The following PPP2R5C variants were observed in gnomAD, a reference collection of about 807,000 sequenced individuals.
PPP2R5C encodes the protein serine/threonine-protein phosphatase 2A 56 kDa regulatory subunit gamma isoform.
PPP2R5C carries 7 observed loss-of-function variants against 68.9 expected under a neutral mutation model. The ratio of observed to expected loss-of-function variants is 0.10; its 90% CI spans 0.06 to 0.19. PPP2R5C has a LOEUF of 0.19. Ranked by LOEUF, PPP2R5C falls within the 10% of genes least tolerant of loss-of-function variation. The pLI, the probability that PPP2R5C is intolerant of heterozygous loss-of-function variation, is 1.00. For missense variants in PPP2R5C, 348 were observed against 641.3 expected (o/e 0.54, Z 4.94); for synonymous variants, 210 against 222.2 (o/e 0.95, Z 0.49).
chr14:101,892,863 G>T, intron 6 of PPP2R5C, 137 bp from the exon 9 acceptor site: 1 of 641,878 alleles, frequency 1.6e-6, no homozygotes, highest in South Asian at 1.9e-5. Context: ...GGGCACAGGT[G>T]CATGGCAACA....
chr14:101,879,272 C>T lies in PPP2R5C; in HGVS notation c.295-2889C>T, dbSNP rs1266745125. On this transcript the variant is annotated intron_variant, in intron 2 of 13. Transcript: ENST00000334743. This position sits in a 1 kb window ranked among gnomAD's most constrained non-coding sequence, Gnocchi z 4.2. ...GCCTCGGCCAGAATGGTGGTCTCTTCCTCTGTGGCATGTCTGTGACTCTTG... is the reference window on the plus strand; with the variant it reads ...GCCTCGGCCAGAATGGTGGTCTCTTTCTCTGTGGCATGTCTGTGACTCTTG... 1.3e-5 allele frequency: 2 copies of T among 152,602 alleles called. No individual in the cohort carries two copies. Among genetic ancestry groups the T allele is most frequent in the Non-Finnish European group, 2.9e-5 (2 of 68,358 alleles). The allele number at this position is 152,602 out of a possible 1,614,324, so 9.5% of individuals were successfully genotyped here. A position where few individuals can be genotyped will look rare whatever the true frequency, so the allele number is the denominator to read the frequency against.
chr14:101,778,261 T>C (rs2037517088), intron 2 of PPP2R5C, among the ~76,000 whole-genome samples: 1 of 152,226 alleles, frequency 6.6e-6, no homozygotes, highest in Admixed American at 6.5e-5. Context: ...CATTTTTTAA[T>C]CGGGTTTTCT....
chr14:101,912,653 G>A (rs2046462276), intron 12 of PPP2R5C, 180 bp downstream of exon 14: 1 of 1,256,734 alleles, frequency 8.0e-7, no homozygotes, highest in East Asian at 3.1e-5. Flanking sequence ...TACTTATTTT[G>A]CCCCATATCG....
chr14:101,761,718 G>A, upstream of PPP2R5C: 1 of 876,618 alleles, frequency 1.1e-6, no homozygotes, highest in Non-Finnish European at 1.4e-6. Context: ...CGCCGCCGTG[G>A]CTGCCGCAGC....
intron 1 of PPP2R5C, among the ~76,000 whole-genome samples, chr14:101,837,050 A>G (rs879577110): frequency 1.3e-5 from 2 of 152,244 alleles, no homozygotes; most frequent in African/African-American, 4.8e-5. Flanking sequence ...TGTGGTAGAC[A>G]TAAGTTGTTA....
chr14:101,816,534 A>G (rs749316759), intron 1 of PPP2R5C, among the ~76,000 whole-genome samples: 2 of 152,206 alleles, frequency 1.3e-5, no homozygotes, highest in Admixed American at 6.5e-5. Context: ...CAAACCTATT[A>G]GAGACATTTT....
At chr14:101,926,607 A>G (rs1036070863) in exon 14 of PPP2R5C, 3 of 152,600 alleles carry the variant, frequency 2.0e-5, no homozygotes, top group African/African-American at 7.2e-5. Flanking sequence ...TATTCTAAAC[A>G]CGTGATCTAG....
At chr14:101,920,315 T>A (rs1566973184) in intron 13 of PPP2R5C, among the ~76,000 whole-genome samples, 1 of 152,230 alleles carries the variant, frequency 6.6e-6, no homozygotes, top group African/African-American at 2.4e-5. Context: ...CGTCCCCTCC[T>A]GGGAGGGTTA....
At chr14:101,874,506 TATC>T (rs1378931365) in intron 2 of PPP2R5C, among the ~76,000 whole-genome samples, 1 of 152,232 alleles carries the variant, frequency 6.6e-6, no homozygotes, top group Non-Finnish European at 1.5e-5. Flanking sequence ...AATCCAGTGT[TATC>T]TTTAAATGAC....
intron 9 of PPP2R5C, among the ~76,000 whole-genome samples, chr14:101,905,224 C>G (rs2045956984): frequency 3.3e-5 from 5 of 152,194 alleles, no homozygotes. Context: ...TGCGATGGCG[C>G]ATGCCTATAG....
At chr14:101,850,183 C>T (rs190325377) in intron 1 of PPP2R5C, among the ~76,000 whole-genome samples, 83 of 152,300 alleles carry the variant, frequency 5.4e-4, no homozygotes, top group Non-Finnish European at 9.1e-4. Flanking sequence ...TCTCACTGCT[C>T]CTCTCAGCGT....
At chr14:101,772,622 G>T (rs768356956) in intron 2 of PPP2R5C, among the ~76,000 whole-genome samples, 1 of 151,858 alleles carries the variant, frequency 6.6e-6, no homozygotes, top group East Asian at 1.9e-4. Context: ...TGGTGAAACC[G>T]CATCTCTATT....
chr14:101,900,518 T>C (rs1416960815), intron 8 of PPP2R5C, among the ~76,000 whole-genome samples: 1 of 152,248 alleles, frequency 6.6e-6, no homozygotes, highest in Non-Finnish European at 1.5e-5. Context: ...CGCACCGGAT[T>C]GCACTTGTAC....
intron 2 of PPP2R5C, among the ~76,000 whole-genome samples, chr14:101,872,020 G>A (rs2043452408): frequency 2.0e-5 from 3 of 151,400 alleles, no homozygotes; most frequent in African/African-American, 7.3e-5. Context: ...TAAGTTTTCG[G>A]GTATTAAAAA....
intron 13 of PPP2R5C, 130 bp downstream of exon 15, chr14:101,918,077 C>G: frequency 7.7e-7 from 1 of 1,300,120 alleles, no homozygotes. Flanking sequence ...TTTTGCTAGT[C>G]TTATAGGAAA....
chr14:101,884,753 C>G (rs1431495652), intron 5 of PPP2R5C, among the ~76,000 whole-genome samples: 2 of 152,232 alleles, frequency 1.3e-5, no homozygotes, highest in Non-Finnish European at 2.9e-5. Flanking sequence ...CTTCCCTCAG[C>G]CTCCCAGGCT....
intron 1 of PPP2R5C, among the ~76,000 whole-genome samples, chr14:101,851,249 A>G (rs2042140191): frequency 6.6e-6 from 1 of 152,152 alleles, no homozygotes; most frequent in Admixed American, 6.5e-5. Flanking sequence ...CTTGGCCAAC[A>G]TAGTGAGATT....
At chr14:101,854,560 T>C (rs2042313606) in intron 1 of PPP2R5C, among the ~76,000 whole-genome samples, 2 of 151,950 alleles carry the variant, frequency 1.3e-5, no homozygotes, top group African/African-American at 4.8e-5. Context: ...AAGTTGACAG[T>C]AGGGGCAGGG....
intron 2 of PPP2R5C, among the ~76,000 whole-genome samples, chr14:101,763,642 AG>A (rs771161249): frequency 1.3e-5 from 2 of 152,006 alleles, no homozygotes; most frequent in Non-Finnish European, 2.9e-5. Context: ...TGGCCTCCTA[AG>A]GTGCTGGGAT....
Sources: gnomAD v4.1 joint callset for allele counts (sites outside exome capture counted in the v4.1 genomes callset) on GRCh38, gnomAD v4.1.1 for gene constraint, Gnocchi (gnomAD v3.1) non-coding constraint, MANE v1.5 for transcripts, NCBI Gene and HGNC (gene_info 2026-07-23, HGNC 2026-07-21) for gene names.